The following ODF2 variants were observed in gnomAD, a reference collection of about 807,000 sequenced individuals.
ODF2 encodes the protein outer dense fiber protein 2.
ODF2 carries 47 observed loss-of-function variants against 110.2 expected under a neutral mutation model. The observed-to-expected ratio is 0.43, with a 90% CI of 0.34 to 0.54. The LOEUF is 0.54. ODF2 is among the 20% of genes least tolerant of loss of function. ODF2 has a pLI of 0.03. For synonymous variants in ODF2, 352 were observed against 397.7 expected, an observed-to-expected ratio of 0.89 and a Z score of 1.37; for missense variants, 812 against 1,054.5, an observed-to-expected ratio of 0.77 and a Z score of 3.19.
At chr9:128,492,069 G>A (rs1844708739) in intron 14 of ODF2, among the ~76,000 whole-genome samples, 1 of 151,842 alleles carries the variant, frequency 6.6e-6, no homozygotes. Context: ...ATTTCACTGT[G>A]TTAGCCAGGA....
intron 20 of ODF2, among the ~76,000 whole-genome samples, chr9:128,499,860 C>T (rs1846264870): frequency 6.6e-6 from 1 of 152,164 alleles, no homozygotes; most frequent in African/African-American, 2.4e-5. Context: ...TCATTCCGTC[C>T]TGACCTCCCG....
intron 4 of ODF2, among the ~76,000 whole-genome samples, chr9:128,468,016 C>T (rs941411730): frequency 5.3e-5 from 8 of 151,858 alleles, no homozygotes; most frequent in Admixed American, 1.3e-4. Flanking sequence ...TTTATACTGA[C>T]GTATTTAAAA....
chr9:128,457,476 G>A (rs1272029981), intron 2 of ODF2: 1 of 1,565,224 alleles, frequency 6.4e-7, no homozygotes, highest in East Asian at 2.3e-5. Flanking sequence ...CGGAGGGCAG[G>A]GAAAGGTGGC....
rs1307870133 is a variant in ODF2 at position 128,499,272 on chromosome 9, A to G, written c.2301+146A>G. ...TCCAATCACTTTCTATCCCTTAAGG[A>G]TATCCTGGGTAGATATTTATTTATT... is the stretch of plus-strand genomic sequence containing the variant. On this transcript the variant is annotated intron_variant, in intron 20 of 20. Transcript: ENST00000604420. 6 of 962,794 alleles carry G rather than the reference A, an allele frequency of 6.2e-6. 1 individual carries two copies. In the Admixed American group the frequency reaches 1.7e-4, roughly 27 times the overall value. 59.6% of individuals were successfully genotyped at this position (962,794 alleles called of 1,614,324 possible).
chr9:128,461,168 C>A, intron 4 of ODF2, 101 bp downstream of exon 4: 1 of 1,418,848 alleles, frequency 7.0e-7, no homozygotes, highest in Non-Finnish European at 9.6e-7. Flanking sequence ...ACTGGAATGT[C>A]CTAACAGACC....
Position 128,484,977 on chromosome 9 carries a change from G to A in ODF2, c.1290+91G>A, listed in dbSNP as rs909610855. On this transcript the variant is annotated intron_variant, in intron 12 of 20. Coordinates refer to ENST00000604420, the Ensembl canonical transcript of ODF2. Reference sequence around the variant, plus strand: ...GGTCAGCCAGATGGGTAGCGGGGAGGGGTGGGTGGATGAGGGATGGTAGTG... The same window carrying A: ...GGTCAGCCAGATGGGTAGCGGGGAGAGGTGGGTGGATGAGGGATGGTAGTG... 6.1e-6 allele frequency: 8 copies of A among 1,314,562 alleles called. No homozygotes were observed. The Admixed American group carries it at 7.8e-5, about 13-fold the overall frequency. 81.4% of individuals were successfully genotyped at this position (1,314,562 alleles called of 1,614,324 possible). A position where few individuals can be genotyped will look rare whatever the true frequency, so the allele number is the denominator to read the frequency against.
rs1843154788 is a variant in ODF2 at position 128,485,329 on chromosome 9, A to G, written c.1291-36A>G. 1 of 1,168,054 alleles carries G rather than the reference A, an allele frequency of 8.6e-7. No homozygotes were observed. The highest frequency in any genetic ancestry group is 1.8e-5 in the Admixed American group (1 of 54,862). 72.4% of individuals were successfully genotyped at this position (1,168,054 alleles called of 1,614,324 possible). On this transcript the variant is annotated intron_variant, in intron 12 of 20. Coordinates refer to ENST00000604420, the Ensembl canonical transcript of ODF2. This position sits in a 1 kb window ranked among gnomAD's most constrained non-coding sequence, Gnocchi z 5.0. Reference sequence around the variant, plus strand: ...AGCTCCTGGCAGCCTCACCACTGACACTAGGCTAACAGGCCCTTTTGTCCC... The same window carrying G: ...AGCTCCTGGCAGCCTCACCACTGACGCTAGGCTAACAGGCCCTTTTGTCCC...
In ODF2 at chr9:128,471,480, C is replaced by T. The variant is rs1188064685; in HGVS notation, c.581+12C>T. 6.2e-7 allele frequency: 1 copy of T among 1,611,322 alleles called. No individual in the cohort carries two copies. Among genetic ancestry groups the T allele is most frequent in the East Asian group, 2.2e-5 (1 of 44,574 alleles). Reference sequence around the variant, plus strand: ...AAGGACTTCACCATGTAAGGTGGCTCCTGCTCTGTCCCCGCTGATCTATTC... The same window carrying T: ...AAGGACTTCACCATGTAAGGTGGCTTCTGCTCTGTCCCCGCTGATCTATTC... On this transcript the variant is annotated intron_variant, in intron 6 of 20. Coordinates refer to ENST00000604420, the Ensembl canonical transcript of ODF2.
chr9:128,473,764 T>A, intron 8 of ODF2, 23 bp downstream of exon 8: 1 of 1,604,864 alleles, frequency 6.2e-7, no homozygotes, highest in Non-Finnish European at 8.5e-7. Context: ...CCTGGCTCTT[T>A]CCCTCCAGCT....
chr9:128,482,291 G>A (rs2131992294), intron 9 of ODF2, among the ~76,000 whole-genome samples: 1 of 152,338 alleles, frequency 6.6e-6, no homozygotes, highest in Middle Eastern at 3.4e-3. Flanking sequence ...AGGAAGGAGT[G>A]GAGATGCAGC....
upstream of ODF2, chr9:128,455,411 G>A (rs997970120): frequency 5.4e-4 from 235 of 435,824 alleles, 2 homozygotes; most frequent in African/African-American, 4.4e-3. Context: ...AAAATTAGCC[G>A]GGCGTTGTGG....
At position 128,496,038 on chromosome 9, in the gene ODF2, T is replaced by C. The variant is rs191707463; in HGVS notation, c.1912-3T>C. The C allele has an allele frequency of 6.2e-7, 1 of 1,613,844 alleles. No individual in the cohort carries two copies. Among genetic ancestry groups the C allele is most frequent in the Admixed American group, 1.7e-5 (1 of 59,988 alleles). On this transcript the variant is annotated splice_polypyrimidine_tract_variant and splice_region_variant and intron_variant, in intron 17 of 20. Transcript: ENST00000604420. ...AAACCAGTCTGTGTTCCTGTCATTT[T>C]AGATCGAACACCAGGGGGACAAGCT...
At chr9:128,475,122 T>G (rs1840990759) in intron 8 of ODF2, among the ~76,000 whole-genome samples, 1 of 152,092 alleles carries the variant, frequency 6.6e-6, no homozygotes, top group Non-Finnish European at 1.5e-5. Context: ...TTCTTGATAT[T>G]ATCCCCTGAA....
chr9:128,457,292 G>A (rs546906442), exon 2 of ODF2: 43 of 1,606,112 alleles, frequency 2.7e-5, no homozygotes, highest in South Asian at 2.2e-4. Flanking sequence ...CCCTCAGAGA[G>A]GACGTTTGAT....
chr9:128,457,113 C>T, intron 1 of ODF2: 1 of 1,413,140 alleles, frequency 7.1e-7, no homozygotes, highest in Non-Finnish European at 9.3e-7. Flanking sequence ...TGGTCCTTTC[C>T]CTCGCGGTTC....
chr9:128,456,109 C>G (rs893200003), upstream of ODF2: 1 of 1,546,290 alleles, frequency 6.5e-7, no homozygotes, highest in Admixed American at 2.0e-5. Flanking sequence ...AGCTGCCGAC[C>G]GGGTGTCGGA....
exon 10 of ODF2, chr9:128,482,857 A>G: frequency 1.2e-6 from 2 of 1,612,098 alleles, no homozygotes; most frequent in Non-Finnish European, 1.7e-6. Context: ...AGGAGGTGGA[A>G]GAGCTCCTTC....
At chr9:128,470,433 C>A (rs1839697483) in intron 5 of ODF2, among the ~76,000 whole-genome samples, 1 of 151,820 alleles carries the variant, frequency 6.6e-6, no homozygotes, top group Non-Finnish European at 1.5e-5. Context: ...GAGTTCAAGA[C>A]CAGCCTGGCC....
intron 18 of ODF2, 135 bp from the exon 19 acceptor site, chr9:128,498,278 G>A: frequency 7.5e-7 from 1 of 1,339,204 alleles, no homozygotes; most frequent in Non-Finnish European, 9.7e-7. Context: ...AGATTTCTTT[G>A]GCTTATTCCT....
Sources: gnomAD v4.1 joint callset for allele counts (sites outside exome capture counted in the v4.1 genomes callset) on GRCh38, gnomAD v4.1.1 for gene constraint, Gnocchi (gnomAD v3.1) non-coding constraint, MANE v1.5 for transcripts, NCBI Gene and HGNC (gene_info 2026-07-23, HGNC 2026-07-21) for gene names.